The following NPC1 variants were observed in gnomAD, a reference collection of about 807,000 sequenced individuals.
NPC1 encodes the protein NPC intracellular cholesterol transporter 1, also known as Niemann-Pick C1 protein.
NPC1 carries 85 observed loss-of-function variants against 140.4 expected under a neutral mutation model. That is an observed-to-expected ratio of 0.61 (90% CI 0.51 to 0.72). NPC1 has a LOEUF of 0.72. Ranked by LOEUF, NPC1 falls within the 30% of genes least tolerant of loss-of-function variation. NPC1 has a pLI of 0.00. For missense variants in NPC1, 1,504 were observed against 1,623.8 expected (o/e 0.93, Z 1.27); for synonymous variants, 656 against 624.8 (o/e 1.05, Z -0.74).
rs1473821426 is a variant in NPC1, at chr18:23,541,343, A to C, written c.2336T>G (p.Phe779Cys). 1 of 1,614,214 alleles carries C rather than the reference A, an allele frequency of 6.2e-7. No individual in the cohort carries two copies. Among genetic ancestry groups the C allele is most frequent in the Non-Finnish European group, 8.5e-7 (1 of 1,180,030 alleles). ...AATGTCTAACCCCAAGAGACTCACG[A>C]AACAGGTAATCTGCAGAAGAAAGTC... is the stretch of plus-strand genomic sequence containing the variant. The part of the protein sequence containing the change: ...FIDFLLQITC[F>C]VSLLGLDIKR... The change falls in exon 15 of 25, where the codon TTC becomes TGC. Residue 779 changes from phenylalanine to cysteine, a missense_variant. Transcript: ENST00000269228.
chr18:23,526,339 T>G (rs1295961972), downstream of NPC1, among the ~76,000 whole-genome samples: 3 of 152,228 alleles, frequency 2.0e-5, no homozygotes, highest in East Asian at 5.8e-4. Context: ...AGTCCCCGTT[T>G]GGAATGAAGG....
chr18:23,517,528 G>A (rs1197410671), downstream of NPC1, among the ~76,000 whole-genome samples: 1 of 152,084 alleles, frequency 6.6e-6, no homozygotes, highest in African/African-American at 2.4e-5. Context: ...ACACAATAGA[G>A]ACTAATAAAA....
At chr18:23,528,166 A>G (rs1598910983), downstream of NPC1, 1 of 343,576 alleles carries the variant, frequency 2.9e-6, no homozygotes, top group East Asian at 5.7e-5. Context: ...TCTTGCCTGT[A>G]GATCCTTGGT....
chr18:23,543,348 A>AAAG, intron 14 of NPC1, 107 bp downstream of exon 14: 1 of 345,654 alleles, frequency 2.9e-6, no homozygotes, highest in Non-Finnish European at 5.2e-6. Flanking sequence ...AAAAAAAAAG[A>AAAG]AAAAAAAAAA....
exon 2 of NPC1, chr18:23,522,485 TA>T (rs1479407097): frequency 6.6e-6 from 1 of 152,240 alleles, no homozygotes; most frequent in African/African-American, 2.4e-5. Context: ...TTTTTAATGA[TA>T]TTTTTTAAGC....
At position 23,533,737 on chromosome 18, in the gene NPC1, C is replaced by T. The variant is rs978439214; in HGVS notation, c.3592-220G>A. The T allele has an allele frequency of 3.9e-5, 21 of 533,662 alleles. No individual in the cohort carries two copies. The Middle Eastern group carries it at 1.5e-3, about 39-fold the overall frequency. 33.1% of individuals were successfully genotyped at this position (533,662 alleles called of 1,614,324 possible). A position where few individuals can be genotyped will look rare whatever the true frequency, so the allele number is the denominator to read the frequency against. ...TTGGCCATGGTCTCGAACCCCTGGC[C>T]GCAAGTGGTCCGCCAGCCTTGGCCT... On this transcript the variant is annotated intron_variant, in intron 23 of 24. Coordinates refer to ENST00000269228, the MANE Select transcript of NPC1 (RefSeq NM_000271.5).
At chr18:23,541,704 A>C (rs553986267) in intron 14 of NPC1, among the ~76,000 whole-genome samples, 2 of 152,380 alleles carry the variant, frequency 1.3e-5, no homozygotes, top group Non-Finnish European at 2.9e-5. Context: ...GGTTCACAGC[A>C]AATTCACACA....
chr18:23,572,325 T>C (rs1050351810), intron 2 of NPC1, 145 bp from the exon 3 acceptor site: 7 of 662,372 alleles, frequency 1.1e-5, no homozygotes, highest in South Asian at 4.7e-5. Context: ...AAAGTTATTA[T>C]AGAATTATTT....
chr18:23,562,586 C>G (rs2059059334), intron 4 of NPC1, among the ~76,000 whole-genome samples: 1 of 152,136 alleles, frequency 6.6e-6, no homozygotes, highest in Admixed American at 6.5e-5. Flanking sequence ...TCAGAATTCT[C>G]AACAGATTAT....
In NPC1 at chr18:23,560,468, T is replaced by C. The variant is rs1805081; in HGVS notation, c.644A>G (p.His215Arg). 0.38 allele frequency: 611,511 copies of C among 1,613,400 alleles called. 123,029 individuals are homozygous for C. Among genetic ancestry groups the C allele is most frequent in the Non-Finnish European group, 0.42 (493,447 of 1,179,532 alleles). ...GGCATTGTTCATGGGCTCCATCCCA[T>C]GGACTGGAAAATCTACAGAAAGGAA... ...ITPVFSDFPV[H>R]GMEPMNNATK... is the part of the protein sequence containing the mutation. Residue 215 changes from histidine (H) to arginine (R), a missense_variant, in exon 6 of 25, where the codon CAT becomes CGT. By Grantham distance (29) the His-to-Arg change is conservative (BLOSUM62 0). Transcript: ENST00000269228.
chr18:23,583,118 A>AAAG lies in NPC1; in HGVS notation c.57+3168_57+3169insCTT, dbSNP rs2059376515. ...CAAGACCCTGTTTCAAAAAAAAAAA[A>AAAG]AAAAAAAAGAGTCCCAAGTCAAGTG... On this transcript the variant is annotated intron_variant, in intron 1 of 24. Coordinates refer to ENST00000269228, the MANE Select transcript of NPC1 (RefSeq NM_000271.5). 1.3e-5 allele frequency among the ~76,000 whole-genome samples: 2 copies of AAAG among 151,582 alleles called. 1 individual carries two copies. The highest frequency in any genetic ancestry group is 4.2e-4 in the South Asian group (2 of 4,790).
Position 23,544,945 on chromosome 18 carries a change from C to CCG in NPC1, c.1947+14_1947+15insCG, listed in dbSNP as rs1555634633. On this transcript the variant is annotated intron_variant, in intron 12 of 24. Coordinates refer to ENST00000269228, the MANE Select transcript of NPC1 (RefSeq NM_000271.5). ...TGTTAACCTCTAGAACATACACCAC[C>CCG]CCCCCCCGGCTTACCAGAAGCCTGC... 3.9e-6 allele frequency: 5 copies of CCG among 1,291,336 alleles called. No homozygotes were observed. In the South Asian group the frequency reaches 4.9e-5, roughly 13 times the overall value. The allele number at this position is 1,291,336 out of a possible 1,614,324, so 80.0% of individuals were successfully genotyped here.
At chr18:23,530,569 A>G (rs1209455011), downstream of NPC1, 1 of 1,614,214 alleles carries the variant, frequency 6.2e-7, no homozygotes, top group South Asian at 1.1e-5. Flanking sequence ...GCTTTTTTGA[A>G]CAGCGAAACC....
rs540863152 is a variant in NPC1, at chr18:23,577,980, C to T, written c.58-4406G>A. Among the ~76,000 whole-genome samples, 112 of 152,348 alleles carry T rather than the reference C, an allele frequency of 7.4e-4. 5 individuals are homozygous for T. In the South Asian group the frequency reaches 0.021, roughly 29 times the overall value. On this transcript the variant is annotated intron_variant, in intron 1 of 24. Transcript: ENST00000269228. Reference sequence around the variant, plus strand: ...GGAACTCCAGCTGGCCCGCAAGTGCCGCACACAGCCCCGGTTCCTGCTCGT... The same window carrying T: ...GGAACTCCAGCTGGCCCGCAAGTGCTGCACACAGCCCCGGTTCCTGCTCGT...
At chr18:23,518,785 C>A, downstream of NPC1, 2 of 981,146 alleles carry the variant, frequency 2.0e-6, no homozygotes, top group Non-Finnish European at 3.1e-6. Context: ...CAGCAAAATA[C>A]TCCATTAAGT....
exon 2 of NPC1, chr18:23,522,529 T>C (rs1480862018): frequency 3.3e-5 from 5 of 152,298 alleles, no homozygotes; most frequent in Admixed American, 2.0e-4. Flanking sequence ...GTGTATTTTA[T>C]GTGTGGCCCA....
chr18:23,557,698 C>G (rs998361105), intron 6 of NPC1, among the ~76,000 whole-genome samples: 1 of 152,120 alleles, frequency 6.6e-6, no homozygotes, highest in Non-Finnish European at 1.5e-5. Context: ...GCTGAGATCG[C>G]GCCACTGCAT....
downstream of NPC1, chr18:23,519,035 CTTG>C (rs1331578506): frequency 3.1e-6 from 5 of 1,612,412 alleles, no homozygotes; most frequent in African/African-American, 5.3e-5. Context: ...TGAACTGCAG[CTTG>C]TTGATCTGTT....
intron 7 of NPC1, 140 bp downstream of exon 7, chr18:23,556,977 C>A (rs1462431118): frequency 2.6e-6 from 2 of 767,258 alleles, no homozygotes; most frequent in Non-Finnish European, 4.5e-6. Context: ...AAGGCAAGGA[C>A]CATGTCTGCC....
Sources: allele counts gnomAD v4.1 joint callset (sites outside exome capture counted in the v4.1 genomes callset), GRCh38; gene constraint gnomAD v4.1.1; transcripts MANE v1.5; gene names NCBI Gene and HGNC (gene_info 2026-07-23, HGNC 2026-07-21).